SUPT7L: variants seen among roughly 807,000 people sequenced by gnomAD.
SUPT7L encodes SPT7 like, STAGA complex subunit gamma.
Under a neutral mutation model 35.7 loss-of-function variants are expected in SUPT7L, and 15 were observed. The observed-to-expected ratio is 0.42, with a 90% CI of 0.28 to 0.65. The LOEUF (loss-of-function observed/expected upper bound fraction) is 0.65, where lower values mean the gene tolerates loss of function less well. Among genes scored for constraint, SUPT7L ranks in the 30% least tolerant of loss-of-function variants. The pLI is 0.23. For missense variants in SUPT7L, 434 were observed against 522.2 expected, an observed-to-expected ratio of 0.83 and a Z score of 1.65; for synonymous variants, 168 against 186.2, an observed-to-expected ratio of 0.90 and a Z score of 0.79.
chr2:27,648,853 T>C (rs1206626697), downstream of SUPT7L, among the ~76,000 whole-genome samples: 1 of 151,592 alleles, frequency 6.6e-6, no homozygotes, highest in Non-Finnish European at 1.5e-5. Context: ...GCCAGGCTGG[T>C]CTCGAACTCC....
chr2:27,662,685 G>A (rs545949194), intron 1 of SUPT7L, among the ~76,000 whole-genome samples: 1 of 152,082 alleles, frequency 6.6e-6, no homozygotes, highest in South Asian at 2.1e-4. Context: ...TTTTCTGCCC[G>A]TCTATTTCTT....
chr2:27,652,840 A>G lies in SUPT7L; in HGVS notation c.*645T>C, dbSNP rs1674620322. Reference sequence around the variant, plus strand: ...CAAAAGGATGAGGAGAGATGGAGTAAGTCTAGAGAAGAAAATAAATGGATG... The same window carrying G: ...CAAAAGGATGAGGAGAGATGGAGTAGGTCTAGAGAAGAAAATAAATGGATG... On this transcript the variant is annotated 3_prime_UTR_variant, in exon 6 of 6. Coordinates refer to ENST00000337768, the MANE Select transcript of SUPT7L (RefSeq NM_014860.3). 6.5e-6 allele frequency: 1 copy of G among 152,936 alleles called. No homozygotes were observed. The highest frequency in any genetic ancestry group is 2.1e-4 in the South Asian group (1 of 4,842). 9.5% of individuals were successfully genotyped at this position (152,936 alleles called of 1,614,324 possible).
In SUPT7L at chr2:27,652,257, A is replaced by G. The variant is rs1413624997; in HGVS notation, c.*1228T>C. ...CAAATTTAAAATTATATGTTAAACTATAACCTCATTTGTATCATATTCATT... is the reference window on the plus strand; with the variant it reads ...CAAATTTAAAATTATATGTTAAACTGTAACCTCATTTGTATCATATTCATT... On this transcript the variant is annotated 3_prime_UTR_variant, in exon 6 of 6. Transcript: ENST00000337768. 1 of 152,376 alleles carries G rather than the reference A, an allele frequency of 6.6e-6. No homozygotes were observed. The allele number at this position is 152,376 out of a possible 1,614,324, so 9.4% of individuals were successfully genotyped here.
In SUPT7L at chr2:27,653,214, GACA is replaced by G. The variant is rs1674637623; in HGVS notation, c.*268_*270del. On this transcript the variant is annotated 3_prime_UTR_variant, in exon 6 of 6. Coordinates refer to ENST00000337768, the MANE Select transcript of SUPT7L (RefSeq NM_014860.3). ...GTATAACATGTCTAGTCATAGTTAA[GACA>G]ACAATTGGGGACAGTGCTTTGGTCT... is the stretch of plus-strand genomic sequence containing the variant. The G allele has an allele frequency of 4.4e-6, 2 of 457,856 alleles. No homozygotes were observed. Among genetic ancestry groups the G allele is most frequent in the Non-Finnish European group, 7.9e-6 (2 of 252,030 alleles). 28.4% of individuals were successfully genotyped at this position (457,856 alleles called of 1,614,324 possible).
At chr2:27,658,569 TAAA>T (rs984600293) in intron 3 of SUPT7L, among the ~76,000 whole-genome samples, 1 of 152,194 alleles carries the variant, frequency 6.6e-6, no homozygotes, top group African/African-American at 2.4e-5. Context: ...ATTTTACCAA[TAAA>T]AATAAAATAG....
Position 27,653,769 on chromosome 2 carries a change from A to G in SUPT7L, c.983-22T>C, listed in dbSNP as rs770288214. 23 of 1,613,994 alleles carry G rather than the reference A, an allele frequency of 1.4e-5. No homozygotes were observed. The Admixed American group carries it at 3.2e-4, about 22-fold the overall frequency. The stretch of plus-strand genomic sequence containing the variant: ...GCACCTAGAAACAGAGGAAAGATGG[A>G]CATACACCAAGTGTATATGTGTAGC... On this transcript the variant is annotated intron_variant, in intron 5 of 5. Coordinates refer to ENST00000337768, the MANE Select transcript of SUPT7L (RefSeq NM_014860.3).
chr2:27,655,623 A>G lies in SUPT7L; in HGVS notation c.745-21T>C, dbSNP rs148624419. 9,176 of 1,543,672 alleles carry G rather than the reference A, an allele frequency of 5.9e-3. 31 individuals are homozygous for G. The highest frequency in any genetic ancestry group is 6.1e-3 in the Non-Finnish European group (7,026 of 1,144,174). On this transcript the variant is annotated intron_variant, in intron 4 of 5. Transcript: ENST00000337768. Reference sequence around the variant, plus strand: ...CTAATCTGTTGGCAAGCAAGAGTCAATTTTCCAAGGAAATGTTAAAAGCAA... The same window carrying G: ...CTAATCTGTTGGCAAGCAAGAGTCAGTTTTCCAAGGAAATGTTAAAAGCAA...
intron 3 of SUPT7L, among the ~76,000 whole-genome samples, chr2:27,659,389 T>C (rs1009888694): frequency 2.0e-5 from 3 of 152,218 alleles, no homozygotes; most frequent in Non-Finnish European, 4.4e-5. Context: ...TTCTGTAGTA[T>C]TCTTGCCGAA....
chr2:27,649,960 A>G (rs1373901455), downstream of SUPT7L, among the ~76,000 whole-genome samples: 1 of 152,230 alleles, frequency 6.6e-6, no homozygotes, highest in Non-Finnish European at 1.5e-5. Context: ...GGGCAGCATG[A>G]TAGAGCATGC....
At chr2:27,660,837 C>T in intron 3 of SUPT7L, 147 bp downstream of exon 3, 1 of 1,097,806 alleles carries the variant, frequency 9.1e-7, no homozygotes, top group Non-Finnish European at 1.3e-6. Flanking sequence ...CTTAGATATC[C>T]CACTAATTAC....
the SUPT7L span, among the ~76,000 whole-genome samples, chr2:27,645,363 A>G: frequency 6.6e-6 from 1 of 152,116 alleles, no homozygotes; most frequent in Admixed American, 6.6e-5. Context: ...TTATGTTTCA[A>G]TATCTGCTAG....
At chr2:27,643,184 A>C in the SUPT7L span, among the ~76,000 whole-genome samples, 2 of 149,910 alleles carry the variant, frequency 1.3e-5, no homozygotes, top group Non-Finnish European at 3.0e-5. This position sits in a 1 kb window ranked among gnomAD's most constrained non-coding sequence, Gnocchi z 4.0. Context: ...AATTTTTTTT[A>C]TAATTAAAAA....
the SUPT7L span, among the ~76,000 whole-genome samples, chr2:27,645,543 TG>T: frequency 6.6e-6 from 1 of 152,168 alleles, no homozygotes; most frequent in Non-Finnish European, 1.5e-5. Flanking sequence ...TGTTCAGTCT[TG>T]CTACCCAAGA....
chr2:27,663,587 C>G lies in SUPT7L; in HGVS notation c.-348G>C. The G allele has an allele frequency of 1.6e-6, 1 of 638,088 alleles. No individual in the cohort carries two copies. The highest frequency in any genetic ancestry group is 2.7e-6 in the Non-Finnish European group (1 of 371,734). The allele number at this position is 638,088 out of a possible 1,614,324, so 39.5% of individuals were successfully genotyped here. On this transcript the variant is annotated 5_prime_UTR_variant, in exon 1 of 6. Transcript: ENST00000337768. ...CTGAGGCAAGGATCGCGTCAGACCC[C>G]GAAAGCTGGTTTGTTGATTAGTGAT... is the stretch of plus-strand genomic sequence containing the variant.
downstream of SUPT7L, chr2:27,650,040 G>C: frequency 1.2e-6 from 1 of 828,482 alleles, no homozygotes; most frequent in South Asian, 1.4e-5. Context: ...ACTGTTTTCT[G>C]ATGGATGGGT....
At chr2:27,661,435 G>A (rs1209591829) in intron 2 of SUPT7L, 47 bp from the exon 3 acceptor site, 15 of 1,607,134 alleles carry the variant, frequency 9.3e-6, no homozygotes, top group Non-Finnish European at 1.3e-5. Flanking sequence ...GATAAATGTA[G>A]ACAATAACCT....
intron 3 of SUPT7L, among the ~76,000 whole-genome samples, chr2:27,659,047 T>A (rs938623002): frequency 3.3e-5 from 5 of 152,246 alleles, no homozygotes; most frequent in Admixed American, 2.0e-4. Context: ...CAATTTAATA[T>A]GATAGATAAC....
At chr2:27,643,478 C>T in the SUPT7L span, among the ~76,000 whole-genome samples, 1 of 151,988 alleles carries the variant, frequency 6.6e-6, no homozygotes, top group Non-Finnish European at 1.5e-5. The surrounding 1 kb of genome is among the most constrained non-coding windows in gnomAD (Gnocchi z 4.0). Flanking sequence ...GTGCAGTTAT[C>T]AGAAATCAGG....
chr2:27,658,487 A>C (rs2148117552), intron 3 of SUPT7L, among the ~76,000 whole-genome samples: 1 of 152,378 alleles, frequency 6.6e-6, no homozygotes, highest in African/African-American at 2.4e-5. Flanking sequence ...AAATAACTTA[A>C]GAAGCTTTTA....
Sources: gnomAD v4.1 joint callset for allele counts (sites outside exome capture counted in the v4.1 genomes callset) on GRCh38, gnomAD v4.1.1 for gene constraint, Gnocchi (gnomAD v3.1) non-coding constraint, MANE v1.5 for transcripts, NCBI Gene and HGNC (gene_info 2026-07-23, HGNC 2026-07-21) for gene names.